Variants in NLRP4 observed in about 807,000 individuals in gnomAD.
NLRP4 encodes the protein NLR family pyrin domain containing 4, also known as NACHT, LRR and PYD domains-containing protein 4.
A neutral mutation model predicts 84.7 loss-of-function variants in NLRP4; 44 were observed. The observed-to-expected ratio is 0.52, with a 90% CI of 0.41 to 0.67. The LOEUF (loss-of-function observed/expected upper bound fraction) is 0.67. Among genes scored for constraint, NLRP4 ranks in the 30% least tolerant of loss-of-function variants. The probability of loss-of-function intolerance (pLI) is 0.00; values close to 1 mark genes in which losing one functional copy is unlikely to be tolerated. For synonymous variants in NLRP4, 544 were observed against 476.4 expected (o/e 1.14, Z -1.85); for missense variants, 1,260 against 1,219.4 (o/e 1.03, Z -0.50).
chr19:55,878,767 A>G (rs1354068776), intron 8 of NLRP4, 27 bp from the exon 9 acceptor site: 3 of 1,596,560 alleles, frequency 1.9e-6, no homozygotes, highest in Non-Finnish European at 2.6e-6. Context: ...CTGGGGCCGC[A>G]TCTTACCATG....
Position 55,857,804 on chromosome 19 carries a change from C to G in NLRP4, c.411C>G (p.Arg137=), listed in dbSNP as rs1984505882. 6.2e-7 allele frequency: 1 copy of G among 1,613,944 alleles called. No individual in the cohort carries two copies. The highest frequency in any genetic ancestry group is 1.3e-5 in the African/African-American group (1 of 74,910). Residue 137 remains arginine (R), a synonymous_variant, in exon 3 of 10, where the codon CGC becomes CGG. Coordinates refer to ENST00000301295, the MANE Select transcript of NLRP4 (RefSeq NM_134444.5). Reference sequence around the variant, plus strand: ...AAGAAGAATGTGACCATTTGGACCGCCTTTTTGCTCCCAAGGAAGCTGGGA... The same window carrying G: ...AAGAAGAATGTGACCATTTGGACCGGCTTTTTGCTCCCAAGGAAGCTGGGA... ...VKQEECDHLD[R]LFAPKEAGKQ... is the part of the protein sequence containing the mutation.
In NLRP4 at chr19:55,858,103, A is replaced by G. The variant is rs1984524657; in HGVS notation, c.710A>G (p.Gln237Arg). 5 of 1,614,034 alleles carry G rather than the reference A, an allele frequency of 3.1e-6. No homozygotes were observed. Among genetic ancestry groups the G allele is most frequent in the Non-Finnish European group, 4.2e-6 (5 of 1,180,016 alleles). The change falls in exon 3 of 10, where the codon CAG becomes CGG. Residue 237 changes from glutamine to arginine, a missense_variant. Transcript: ENST00000301295. This position sits in a 1 kb window ranked among gnomAD's most constrained non-coding sequence, Gnocchi z 4.2. ...GTCATCGACAGCTTCGAAGAGCTGC[A>G]GGGCGGCTTGAACGAACCCGATTCG... ...LFVIDSFEEL[Q>R]GGLNEPDSDL... is the part of the protein sequence containing the mutation.
intron 1 of NLRP4, among the ~76,000 whole-genome samples, chr19:55,841,183 T>A (rs1302528143): frequency 6.6e-6 from 1 of 152,214 alleles, no homozygotes; most frequent in Non-Finnish European, 1.5e-5. Flanking sequence ...TCCGCCACAC[T>A]GTTATTTGCT....
At chr19:55,848,654 G>A (rs988870939) in intron 1 of NLRP4, among the ~76,000 whole-genome samples, 8 of 151,890 alleles carry the variant, frequency 5.3e-5, no homozygotes, top group Admixed American at 1.3e-4. Flanking sequence ...CACCCACCTC[G>A]GCTTCCCAAA....
At position 55,867,946 on chromosome 19, in the gene NLRP4, C is replaced by T. The variant is rs903294004; in HGVS notation, c.2354+70C>T. ...AGTTCAAACCTGGGCCTATTGATGA[C>T]AGTCTGCTCATTGATGGAGGCCACA... On this transcript the variant is annotated intron_variant, in intron 6 of 9. Transcript: ENST00000301295. 8.1e-6 allele frequency: 11 copies of T among 1,355,276 alleles called. No homozygotes were observed. In the African/African-American group the frequency reaches 1.4e-4, roughly 18 times the overall value. 84.0% of individuals were successfully genotyped at this position (1,355,276 alleles called of 1,614,324 possible). A position where few individuals can be genotyped will look rare whatever the true frequency, so the allele number is the denominator to read the frequency against.
At chr19:55,880,259 G>C (rs1985537191) in intron 9 of NLRP4, among the ~76,000 whole-genome samples, 2 of 152,110 alleles carry the variant, frequency 1.3e-5, no homozygotes, top group South Asian at 4.1e-4. Context: ...TGAGTGCTTG[G>C]CATTGTTTCT....
chr19:55,847,482 A>G (rs1277187705), intron 1 of NLRP4, among the ~76,000 whole-genome samples: 2 of 152,286 alleles, frequency 1.3e-5, no homozygotes, highest in East Asian at 3.9e-4. Context: ...TTATATATCT[A>G]ATATGAATAA....
chr19:55,880,692 TA>T (rs1325773224), intron 9 of NLRP4, among the ~76,000 whole-genome samples: 1 of 152,088 alleles, frequency 6.6e-6, no homozygotes, highest in African/African-American at 2.4e-5. Flanking sequence ...ATATTATACG[TA>T]AAAGGAAGGA....
intron 1 of NLRP4, among the ~76,000 whole-genome samples, chr19:55,847,038 C>A (rs894390784): frequency 5.9e-5 from 9 of 152,130 alleles, no homozygotes; most frequent in Non-Finnish European, 4.4e-5. Context: ...GATTCTCATG[C>A]CTCAGCCTCC....
intron 5 of NLRP4, among the ~76,000 whole-genome samples, chr19:55,865,139 A>C (rs1237585450): frequency 6.6e-6 from 1 of 151,820 alleles, no homozygotes; most frequent in Non-Finnish European, 1.5e-5. Flanking sequence ...CCTTCTTCCC[A>C]CCCTCTGCTC....
chr19:55,876,845 T>A (rs1985391857), intron 7 of NLRP4, 151 bp from the exon 8 acceptor site: 2 of 604,172 alleles, frequency 3.3e-6, no homozygotes. Context: ...TTCAATAATT[T>A]CAATCTGCCA....
chr19:55,848,957 G>A (rs535274906), intron 1 of NLRP4, among the ~76,000 whole-genome samples: 25 of 152,266 alleles, frequency 1.6e-4, no homozygotes, highest in Admixed American at 8.5e-4. Context: ...CTGCCGCCAT[G>A]TAAGATGTGC....
At position 55,862,080 on chromosome 19, in the gene NLRP4, C is replaced by G; in HGVS notation, c.2107C>G (p.Leu703Val). The G allele has an allele frequency of 6.2e-7, 1 of 1,611,528 alleles. No individual in the cohort carries two copies. The highest frequency in any genetic ancestry group is 8.5e-7 in the Non-Finnish European group (1 of 1,177,560). The change falls in exon 5 of 10, where the codon CTC (leucine) becomes GTC (valine). Residue 703 changes from leucine (L) to valine (V), a missense_variant. Coordinates refer to ENST00000301295, the MANE Select transcript of NLRP4 (RefSeq NM_134444.5). ...AGACTTGAAATACCTGAGCTTCACC[C>G]TCACGAAACTCTCTCGTGATGACAT... ...QPDLKYLSFT[L>V]TKLSRDDIRS...
intron 3 of NLRP4, 75 bp from the exon 4 acceptor site, chr19:55,861,311 G>T: frequency 5.6e-6 from 7 of 1,242,490 alleles, no homozygotes; most frequent in Non-Finnish European, 8.1e-6. Context: ...AGAAGACAGC[G>T]TAGTGCGTAT....
chr19:55,848,906 G>T (rs1983907430), intron 1 of NLRP4, among the ~76,000 whole-genome samples: 1 of 152,104 alleles, frequency 6.6e-6, no homozygotes, highest in Non-Finnish European at 1.5e-5. Flanking sequence ...AGACCTGATG[G>T]TTCTATAAGG....
intron 1 of NLRP4, among the ~76,000 whole-genome samples, chr19:55,842,921 G>C (rs1256869728): frequency 6.6e-6 from 1 of 151,732 alleles, no homozygotes; most frequent in African/African-American, 2.4e-5. Flanking sequence ...CACCACGCCC[G>C]GCTAATTTTT....
At chr19:55,864,673 C>T (rs1242327118) in intron 5 of NLRP4, among the ~76,000 whole-genome samples, 1 of 152,162 alleles carries the variant, frequency 6.6e-6, no homozygotes, top group Non-Finnish European at 1.5e-5. Context: ...GTATTCCTAC[C>T]AGCAATGTAT....
At chr19:55,875,461 T>C (rs1433446153) in intron 7 of NLRP4, among the ~76,000 whole-genome samples, 1 of 152,102 alleles carries the variant, frequency 6.6e-6, no homozygotes, top group African/African-American at 2.4e-5. Context: ...TACAGTAACA[T>C]AAAAAAGAAA....
chr19:55,853,895 CTCTCTCTCTCTT>C (rs1984293666), intron 2 of NLRP4, among the ~76,000 whole-genome samples: 1 of 147,202 alleles, frequency 6.8e-6, no homozygotes, highest in African/African-American at 2.6e-5. Flanking sequence ...CTCTTTCTCT[CTCTCTCTCTCTT>C]TCTCTTTCTT....
Sources: gnomAD v4.1 joint callset for allele counts (sites outside exome capture counted in the v4.1 genomes callset) on GRCh38, gnomAD v4.1.1 for gene constraint, Gnocchi (gnomAD v3.1) non-coding constraint, MANE v1.5 for transcripts, NCBI Gene and HGNC (gene_info 2026-07-23, HGNC 2026-07-21) for gene names.